The following PACRG variants were observed in gnomAD, a reference collection of about 807,000 sequenced individuals.
PACRG encodes parkin coregulated gene protein.
PACRG carries 29 observed loss-of-function variants against 29.7 expected under a neutral mutation model. The ratio of observed to expected loss-of-function variants is 0.98; its 90% CI spans 0.73 to 1.33. The LOEUF (loss-of-function observed/expected upper bound fraction) is 1.33. PACRG is among the 40% of genes most tolerant of loss of function. PACRG has a pLI of 0.00. For missense variants in PACRG, 279 were observed against 316.2 expected (o/e 0.88, Z 0.89); for synonymous variants, 116 against 118.7 (o/e 0.98, Z 0.15).
At chr6:163,174,298 T>G (rs1279545026) in intron 4 of PACRG, among the ~76,000 whole-genome samples, 1 of 152,244 alleles carries the variant, frequency 6.6e-6, no homozygotes, top group Non-Finnish European at 1.5e-5. Flanking sequence ...AAAGCCATCC[T>G]GGGCTGTATG....
At chr6:163,060,174 T>TATTAAATAC (rs1562876718) in intron 2 of PACRG, among the ~76,000 whole-genome samples, 1 of 152,182 alleles carries the variant, frequency 6.6e-6, no homozygotes, top group Non-Finnish European at 1.5e-5. Context: ...TGACTTAATG[T>TATTAAATAC]ATTAAAATAC....
At chr6:162,899,725 A>G (rs746393305) in intron 2 of PACRG, among the ~76,000 whole-genome samples, 7 of 152,214 alleles carry the variant, frequency 4.6e-5, no homozygotes, top group Admixed American at 6.5e-5. Context: ...GTCACTTGGC[A>G]TGGCAAGAAA....
At chr6:163,174,917 T>A (rs1779271395) in intron 4 of PACRG, among the ~76,000 whole-genome samples, 1 of 152,162 alleles carries the variant, frequency 6.6e-6, no homozygotes, top group Non-Finnish European at 1.5e-5. Flanking sequence ...CCACCTTTGA[T>A]ACATGAAGAA....
chr6:162,987,445 CAT>C (rs1803000427), intron 2 of PACRG, among the ~76,000 whole-genome samples: 1 of 152,162 alleles, frequency 6.6e-6, no homozygotes, highest in African/African-American at 2.4e-5. Flanking sequence ...ATAATCTCCA[CAT>C]GTCATGGGAG....
At chr6:163,251,253 T>C (rs1247648479) in intron 4 of PACRG, among the ~76,000 whole-genome samples, 11 of 151,722 alleles carry the variant, frequency 7.3e-5, no homozygotes, top group Non-Finnish European at 5.9e-5. Flanking sequence ...CCATAACTTA[T>C]TGAAAAATAA....
At chr6:162,955,011 C>A (rs1021154654) in intron 2 of PACRG, among the ~76,000 whole-genome samples, 1 of 152,118 alleles carries the variant, frequency 6.6e-6, no homozygotes, top group African/African-American at 2.4e-5. Context: ...GGTAACTAGA[C>A]GTATATCAGA....
chr6:162,802,409 A>G (rs1325890950), intron 1 of PACRG, among the ~76,000 whole-genome samples: 1 of 152,144 alleles, frequency 6.6e-6, no homozygotes, highest in Non-Finnish European at 1.5e-5. Flanking sequence ...TGCACTTTAC[A>G]TGTTTCTCTG....
At chr6:162,929,253 G>A (rs757122941) in intron 2 of PACRG, among the ~76,000 whole-genome samples, 10 of 151,764 alleles carry the variant, frequency 6.6e-5, no homozygotes, top group Admixed American at 3.9e-4. Flanking sequence ...AGAGTTCCCC[G>A]TTCTTGACAT....
At chr6:162,872,517 T>C (rs1042526209) in intron 2 of PACRG, among the ~76,000 whole-genome samples, 20 of 152,182 alleles carry the variant, frequency 1.3e-4, no homozygotes, top group African/African-American at 4.8e-4. Flanking sequence ...CATTTCCAGA[T>C]TTTTCTTTCC....
intron 2 of PACRG, among the ~76,000 whole-genome samples, chr6:162,921,554 C>T (rs1267062144): frequency 1.3e-5 from 2 of 152,102 alleles, no homozygotes; most frequent in African/African-American, 2.4e-5. Context: ...TGGGCTACAC[C>T]GCCAGAGAGG....
chr6:163,139,923 T>G (rs1817086018), intron 4 of PACRG, among the ~76,000 whole-genome samples: 1 of 152,214 alleles, frequency 6.6e-6, no homozygotes, highest in African/African-American at 2.4e-5. Flanking sequence ...GTCTTTATTC[T>G]TTGTTGCTCC....
chr6:162,778,832 C>T (rs908544886), intron 1 of PACRG, among the ~76,000 whole-genome samples: 1 of 152,216 alleles, frequency 6.6e-6, no homozygotes, highest in Non-Finnish European at 1.5e-5. Context: ...GCGAGCCTAG[C>T]GGGGTTGACC....
At chr6:163,081,767 T>TG (rs920446678) in intron 3 of PACRG, among the ~76,000 whole-genome samples, 4 of 151,550 alleles carry the variant, frequency 2.6e-5, no homozygotes, top group African/African-American at 7.3e-5. Flanking sequence ...GAAAAAAAAG[T>TG]GGGGGGGAGT....
intron 2 of PACRG, among the ~76,000 whole-genome samples, chr6:162,903,481 A>C (rs1795703940): frequency 6.6e-6 from 1 of 152,192 alleles, no homozygotes; most frequent in Admixed American, 6.5e-5. Flanking sequence ...CAATCATGGC[A>C]GAAGGTGAAA....
intron 2 of PACRG, among the ~76,000 whole-genome samples, chr6:162,822,097 T>C (rs1388408975): frequency 2.6e-5 from 4 of 152,234 alleles, no homozygotes; most frequent in Non-Finnish European, 5.9e-5. Context: ...GGAACATTCA[T>C]GGTCCTAATT....
chr6:163,137,642 C>T (rs1289467953), intron 4 of PACRG, among the ~76,000 whole-genome samples: 7 of 152,198 alleles, frequency 4.6e-5, no homozygotes, highest in African/African-American at 1.2e-4. Flanking sequence ...GGTCTCCACC[C>T]GGCCGCACTC....
intron 2 of PACRG, among the ~76,000 whole-genome samples, chr6:162,966,678 G>A (rs933464293): frequency 5.9e-5 from 9 of 151,932 alleles, no homozygotes; most frequent in African/African-American, 1.4e-4. Flanking sequence ...AGGTTTCACC[G>A]TGTTAGCCAG....
chr6:162,879,492 A>T (rs1793651545), intron 2 of PACRG, among the ~76,000 whole-genome samples: 1 of 152,180 alleles, frequency 6.6e-6, no homozygotes, highest in Non-Finnish European at 1.5e-5. Flanking sequence ...GGGGCAGGGG[A>T]CAGTTGGTGC....
chr6:163,237,368 C>T (rs1161669813), intron 4 of PACRG, among the ~76,000 whole-genome samples: 3 of 152,068 alleles, frequency 2.0e-5, no homozygotes, highest in African/African-American at 7.2e-5. Context: ...TTGATAGACA[C>T]AGTCTTCTGT....
Sources: allele counts gnomAD v4.1 joint callset (sites outside exome capture counted in the v4.1 genomes callset), GRCh38; gene constraint gnomAD v4.1.1; transcripts MANE v1.5; gene names NCBI Gene and HGNC (gene_info 2026-07-23, HGNC 2026-07-21).